ASCC3: variants seen among roughly 807,000 people sequenced by gnomAD.
The protein encoded by ASCC3 is ASC-1 complex subunit P200.
In ASCC3, 158 loss-of-function variants were observed where a neutral mutation model predicts 256.3. That is an observed-to-expected ratio of 0.62 (90% confidence interval 0.54 to 0.70). The LOEUF (loss-of-function observed/expected upper bound fraction) is 0.70. Ranked by LOEUF, ASCC3 falls within the 30% of genes least tolerant of loss-of-function variation. ASCC3 has a pLI of 0.00. For missense variants in ASCC3, 2,259 were observed against 2,626.0 expected, an observed-to-expected ratio of 0.86 and a Z score of 3.05; for synonymous variants, 948 against 883.4, an observed-to-expected ratio of 1.07 and a Z score of -1.30.
intron 4 of ASCC3, among the ~76,000 whole-genome samples, chr6:100,825,454 G>A (rs566861778): frequency 2.0e-5 from 3 of 151,988 alleles, no homozygotes; most frequent in Non-Finnish European, 2.9e-5. Flanking sequence ...TCCCTTTTAC[G>A]GAGCCTCTTA....
At chr6:100,629,229 T>C (rs1194352694) in intron 26 of ASCC3, 48 bp from the exon 27 acceptor site, 1 of 1,574,148 alleles carries the variant, frequency 6.4e-7, no homozygotes, top group Non-Finnish European at 8.7e-7. Flanking sequence ...AGGTAACAAA[T>C]GACCTTGGAA....
At chr6:100,532,436 A>G (rs1437103891) in intron 37 of ASCC3, among the ~76,000 whole-genome samples, 2 of 142,132 alleles carry the variant, frequency 1.4e-5, no homozygotes, top group African/African-American at 5.2e-5. Context: ...TTAAATTACA[A>G]AAGCCATGAG....
chr6:100,509,476 A>G lies in ASCC3; in HGVS notation c.6519T>C (p.Tyr2173=), dbSNP rs756510519. Residue 2173 remains tyrosine, a synonymous_variant, in exon 42 of 42, where the codon TAT becomes TAC. Transcript: ENST00000369162. ...CTTGTGTAACGTTGAGATAGATGTCATACTGCTGGTCCAGGCCAAGGTAGC... is the reference window on the plus strand; with the variant it reads ...CTTGTGTAACGTTGAGATAGATGTCGTACTGCTGGTCCAGGCCAAGGTAGC... ...SDCYLGLDQQ[Y]DIYLNVTQAS... 3.1e-6 allele frequency: 5 copies of G among 1,614,014 alleles called. No homozygotes were observed. The highest frequency in any genetic ancestry group is 2.2e-5 in the South Asian group (2 of 91,088).
intron 10 of ASCC3, among the ~76,000 whole-genome samples, chr6:100,762,686 T>C (rs1051151918): frequency 1.3e-5 from 2 of 152,128 alleles, no homozygotes; most frequent in African/African-American, 4.8e-5. Flanking sequence ...CTCAATAAAA[T>C]CATAACTGCT....
intron 1 of ASCC3, among the ~76,000 whole-genome samples, chr6:100,870,228 A>ATTTTTTTAAAAATGCATTTTTTAATGCAT (rs11455279): frequency 6.6e-6 from 1 of 150,660 alleles, no homozygotes; most frequent in Non-Finnish European, 1.5e-5. Context: ...TTTTTAATGC[A>ATTTTTTTAAAAATGCATTTTTTAATGCAT]TTTTTTAATG....
chr6:100,758,423 T>C lies in ASCC3; in HGVS notation c.1737+8142A>G, dbSNP rs143211525. Among the ~76,000 whole-genome samples, 1,961 of 152,040 alleles carry C rather than the reference T, an allele frequency of 0.013. 100 individuals carry two copies. The East Asian group carries it at 0.15, about 12-fold the overall frequency. On this transcript the variant is annotated intron_variant, in intron 10 of 41. Coordinates refer to ENST00000369162, the MANE Select transcript of ASCC3 (RefSeq NM_006828.4). ...TGTGTTGTTCCCCTCCCTGTGTCCA[T>C]GTGTTCTCCCTGTGTCCATGTGTTC...
intron 3 of ASCC3, among the ~76,000 whole-genome samples, chr6:100,859,534 T>C (rs1424570071): frequency 6.6e-6 from 1 of 152,076 alleles, no homozygotes; most frequent in African/African-American, 2.4e-5. Flanking sequence ...ATTCTGCTAC[T>C]ATCTTTTTAT....
chr6:100,703,222 G>A lies in ASCC3; in HGVS notation c.2151+12240C>T, dbSNP rs560039429. 1.6e-4 allele frequency among the ~76,000 whole-genome samples: 24 copies of A among 152,110 alleles called. No homozygotes were observed. In the South Asian group the frequency reaches 2.7e-3, roughly 17 times the overall value. ...ACAAAAATAATAGAAATTTAAAAACGTAAGAGGACAATAATTTTCAACCCC... is the reference window on the plus strand; with the variant it reads ...ACAAAAATAATAGAAATTTAAAAACATAAGAGGACAATAATTTTCAACCCC... On this transcript the variant is annotated intron_variant, in intron 13 of 41. Coordinates refer to ENST00000369162, the MANE Select transcript of ASCC3 (RefSeq NM_006828.4).
intron 16 of ASCC3, 27 bp from the exon 17 acceptor site, chr6:100,655,845 TA>T: frequency 6.2e-7 from 1 of 1,607,810 alleles, no homozygotes; most frequent in Non-Finnish European, 8.5e-7. Context: ...TGACAGAAAT[TA>T]ATGTATTAAA....
chr6:100,761,019 A>C (rs901847904), intron 10 of ASCC3, among the ~76,000 whole-genome samples: 1 of 152,186 alleles, frequency 6.6e-6, no homozygotes, highest in Non-Finnish European at 1.5e-5. Flanking sequence ...AGAAATTTAC[A>C]TCTAGGCAGC....
chr6:100,798,674 A>C, intron 8 of ASCC3, 39 bp downstream of exon 8: 1 of 1,609,546 alleles, frequency 6.2e-7, no homozygotes, highest in East Asian at 2.2e-5. Context: ...CCGCATACCA[A>C]GCCTCAAAAC....
chr6:100,670,546 A>G (rs564699422), intron 14 of ASCC3, among the ~76,000 whole-genome samples: 1 of 151,756 alleles, frequency 6.6e-6, no homozygotes, highest in South Asian at 2.1e-4. Flanking sequence ...GTGCATGTTC[A>G]GAACAGATAC....
chr6:100,659,328 T>C (rs538230630), intron 16 of ASCC3, among the ~76,000 whole-genome samples: 2 of 151,492 alleles, frequency 1.3e-5, no homozygotes, highest in Non-Finnish European at 3.0e-5. Flanking sequence ...TAGCCAAATT[T>C]AATTTCACAT....
intron 14 of ASCC3, among the ~76,000 whole-genome samples, chr6:100,677,032 G>A (rs543874445): frequency 6.6e-6 from 1 of 152,006 alleles, no homozygotes; most frequent in African/African-American, 2.4e-5. Flanking sequence ...TAATGTTTTG[G>A]GTTCTTAATT....
chr6:100,791,979 G>A (rs908280781), intron 8 of ASCC3, among the ~76,000 whole-genome samples: 1 of 151,886 alleles, frequency 6.6e-6, no homozygotes, highest in Non-Finnish European at 1.5e-5. Context: ...AACAAGTTGG[G>A]TTCTGAATAG....
At chr6:100,682,062 C>A (rs530481758) in intron 13 of ASCC3, among the ~76,000 whole-genome samples, 30 of 152,196 alleles carry the variant, frequency 2.0e-4, no homozygotes, top group African/African-American at 7.2e-4. Context: ...CTATCTCTTG[C>A]AAATGGTAGG....
intron 4 of ASCC3, among the ~76,000 whole-genome samples, chr6:100,813,832 A>G (rs1297898416): frequency 6.6e-6 from 1 of 151,996 alleles, no homozygotes. Context: ...TATCAGCTTA[A>G]GGAGCTTTGG....
intron 10 of ASCC3, among the ~76,000 whole-genome samples, chr6:100,746,106 G>T (rs1780657460): frequency 1.4e-5 from 1 of 73,300 alleles, no homozygotes; most frequent in South Asian, 3.5e-4. Context: ...TATAAAATCA[G>T]TTAACTTTCA....
intron 36 of ASCC3, among the ~76,000 whole-genome samples, chr6:100,557,848 A>G (rs1443494823): frequency 6.6e-6 from 1 of 152,048 alleles, no homozygotes; most frequent in Non-Finnish European, 1.5e-5. Flanking sequence ...GTAAAAGAAT[A>G]TAATTGGATT....
Sources: gnomAD v4.1 joint callset for allele counts (sites outside exome capture counted in the v4.1 genomes callset) on GRCh38, gnomAD v4.1.1 for gene constraint, MANE v1.5 for transcripts, NCBI Gene and HGNC (gene_info 2026-07-23, HGNC 2026-07-21) for gene names.